EHHADH: variants seen among roughly 807,000 people sequenced by gnomAD.
EHHADH encodes peroxisomal bifunctional enzyme.
In EHHADH, 48 loss-of-function variants were observed where a neutral mutation model predicts 64.4. The observed-to-expected ratio is 0.75, with a 90% CI of 0.59 to 0.95. EHHADH has a LOEUF of 0.95. EHHADH is among the 40% of genes least tolerant of loss of function. The pLI is 0.00. For missense variants in EHHADH, 854 were observed against 876.6 expected, an observed-to-expected ratio of 0.97 and a Z score of 0.33; for synonymous variants, 308 against 326.7, an observed-to-expected ratio of 0.94 and a Z score of 0.62.
At chr3:185,211,136 T>A (rs183489216) in intron 5 of EHHADH, among the ~76,000 whole-genome samples, 2 of 152,250 alleles carry the variant, frequency 1.3e-5, no homozygotes, top group South Asian at 4.1e-4. Context: ...AGTTATAAGA[T>A]ATTCAGAATT....
chr3:185,197,604 T>C (rs910232882), intron 6 of EHHADH, among the ~76,000 whole-genome samples: 1 of 152,244 alleles, frequency 6.6e-6, no homozygotes, highest in Admixed American at 6.5e-5. Context: ...GGTTCACCCA[T>C]GTTGTAACAT....
intron 4 of EHHADH, among the ~76,000 whole-genome samples, chr3:185,220,337 G>A (rs569475043): frequency 2.6e-5 from 4 of 152,216 alleles, no homozygotes; most frequent in Admixed American, 6.5e-5. Flanking sequence ...ATATGATTAC[G>A]ATATCATATA....
intron 6 of EHHADH, among the ~76,000 whole-genome samples, chr3:185,195,050 C>T (rs540437727): frequency 6.6e-6 from 1 of 151,938 alleles, no homozygotes; most frequent in Non-Finnish European, 1.5e-5. Flanking sequence ...GAAGTTGGAC[C>T]CTTACCTCAC....
At chr3:185,228,391 G>A (rs895518075) in intron 4 of EHHADH, among the ~76,000 whole-genome samples, 5 of 150,960 alleles carry the variant, frequency 3.3e-5, no homozygotes, top group African/African-American at 9.7e-5. Flanking sequence ...ATAAAGCACC[G>A]GGCTGGCCGG....
In EHHADH at chr3:185,248,528, A is replaced by G; in HGVS notation, c.75-11T>C. On this transcript the variant is annotated splice_polypyrimidine_tract_variant and intron_variant, in intron 1 of 6. Transcript: ENST00000231887. ...CGGAGTAAAGTCGTACTAAAAGAAA[A>G]CAAAATACATGAAGTAAATCAGTCA... is the stretch of plus-strand genomic sequence containing the variant. The G allele has an allele frequency of 6.4e-7, 1 of 1,566,252 alleles. No individual in the cohort carries two copies. Among genetic ancestry groups the G allele is most frequent in the Non-Finnish European group, 8.8e-7 (1 of 1,140,344 alleles).
At chr3:185,224,194 C>T (rs557707298) in intron 4 of EHHADH, among the ~76,000 whole-genome samples, 134 of 151,906 alleles carry the variant, frequency 8.8e-4, no homozygotes, top group African/African-American at 3.1e-3. Flanking sequence ...CTTTAACACC[C>T]TTTCTTAGAA....
chr3:185,192,416 C>T lies in EHHADH; in HGVS notation c.1982G>A (p.Gly661Asp). 4 of 1,614,176 alleles carry T rather than the reference C, an allele frequency of 2.5e-6. No individual in the cohort carries two copies. Among genetic ancestry groups the T allele is most frequent in the Non-Finnish European group, 3.4e-6 (4 of 1,180,036 alleles). The change falls in exon 7 of 7, where the codon GGC becomes GAC. Residue 661 changes from glycine to aspartate, a missense_variant. Coordinates refer to ENST00000231887, the MANE Select transcript of EHHADH (RefSeq NM_001966.4). ...TGTGGAAGCATAGAACATGGGCCCG[C>T]CCTTGTGCCTTGGCCATCCATATCC... is the stretch of plus-strand genomic sequence containing the variant. ...LHGYGWPRHK[G>D]GPMFYASTVG...
intron 6 of EHHADH, among the ~76,000 whole-genome samples, chr3:185,203,577 G>A (rs1718289698): frequency 6.6e-6 from 1 of 152,174 alleles, no homozygotes; most frequent in Non-Finnish European, 1.5e-5. Context: ...GCCAATCAGG[G>A]AGCTAGCATC....
Position 185,191,262 on chromosome 3 carries a change from A to C in EHHADH, c.*964T>G, listed in dbSNP as rs1364236027. 1.3e-5 allele frequency: 2 copies of C among 149,200 alleles called. No individual in the cohort carries two copies. Among genetic ancestry groups the C allele is most frequent in the African/African-American group, 5.1e-5 (2 of 38,924 alleles). The allele number at this position is 149,200 out of a possible 1,614,324, so 9.2% of individuals were successfully genotyped here. A position where few individuals can be genotyped will look rare whatever the true frequency, so the allele number is the denominator to read the frequency against. The stretch of plus-strand genomic sequence containing the variant: ...TGTGAGCCACTGTGCCTGGCCCTTT[A>C]TTTCTTTTTATGGCTGAATAATATA... On this transcript the variant is annotated 3_prime_UTR_variant, in exon 7 of 7. Transcript: ENST00000231887.
At chr3:185,246,026 T>C in intron 2 of EHHADH, 1 of 1,334,934 alleles carries the variant, frequency 7.5e-7, no homozygotes, top group Non-Finnish European at 1.1e-6. Context: ...TTCATCTTTC[T>C]CTAGTAGTTC....
At chr3:185,213,408 G>C (rs2108634911) in intron 5 of EHHADH, among the ~76,000 whole-genome samples, 1 of 152,248 alleles carries the variant, frequency 6.6e-6, no homozygotes, top group African/African-American at 2.4e-5. Flanking sequence ...GATGCACAGT[G>C]AAGTTTGAGG....
intron 2 of EHHADH, among the ~76,000 whole-genome samples, chr3:185,242,513 C>G (rs1719482272): frequency 6.6e-6 from 1 of 152,112 alleles, no homozygotes; most frequent in Non-Finnish European, 1.5e-5. Flanking sequence ...AAAATAAACC[C>G]AAATACCTAC....
At chr3:185,206,547 G>A (rs1045613484) in intron 5 of EHHADH, among the ~76,000 whole-genome samples, 6 of 152,160 alleles carry the variant, frequency 3.9e-5, no homozygotes, top group Non-Finnish European at 7.4e-5. Context: ...TGAAATGACA[G>A]CCAGGTGCAG....
At chr3:185,226,648 T>C (rs1490413467) in intron 4 of EHHADH, among the ~76,000 whole-genome samples, 3 of 19,820 alleles carry the variant, frequency 1.5e-4, no homozygotes, top group African/African-American at 4.1e-4. Context: ...AAACTCCATC[T>C]CCAAAAAAAA....
chr3:185,194,211 CT>C (rs1435316950), intron 6 of EHHADH, among the ~76,000 whole-genome samples: 2 of 152,208 alleles, frequency 1.3e-5, no homozygotes, highest in African/African-American at 4.8e-5. Flanking sequence ...TGGCTCGTGC[CT>C]GTAATCCCAG....
At chr3:185,227,774 T>G (rs2108643097) in intron 4 of EHHADH, among the ~76,000 whole-genome samples, 1 of 151,886 alleles carries the variant, frequency 6.6e-6, no homozygotes, top group East Asian at 2.0e-4. Context: ...TGTGGTGAGT[T>G]GAGATCGCGC....
chr3:185,238,193 T>C (rs1329817218), intron 2 of EHHADH, among the ~76,000 whole-genome samples: 1 of 152,220 alleles, frequency 6.6e-6, no homozygotes, highest in Non-Finnish European at 1.5e-5. Context: ...ATGACTTTGC[T>C]ATCATTAACA....
At position 185,192,908 on chromosome 3, in the gene EHHADH, T is replaced by A. The variant is rs1475185942; in HGVS notation, c.1490A>T (p.Glu497Val). 1 of 1,614,194 alleles carries A rather than the reference T, an allele frequency of 6.2e-7. No individual in the cohort carries two copies. The highest frequency in any genetic ancestry group is 1.1e-5 in the South Asian group (1 of 91,076). Residue 497 changes from glutamate to valine, a missense_variant, in exon 7 of 7, where the codon GAA becomes GTA. Physicochemically the swap from Glu to Val is moderately radical, Grantham distance 121. Transcript: ENST00000231887. ...PYYNQAYFLL[E>V]EGSKPEEVDQ... ...TACCTCCTCTGGTTTGCTGCCTTCT[T>A]CTAACAAGAAATATGCCTGATTGTA...
chr3:185,196,676 C>T (rs938998307), intron 6 of EHHADH, among the ~76,000 whole-genome samples: 2 of 152,042 alleles, frequency 1.3e-5, no homozygotes, highest in Non-Finnish European at 2.9e-5. Context: ...CATACTATAA[C>T]ATGAATGAAT....
Sources: gnomAD v4.1 joint callset for allele counts (sites outside exome capture counted in the v4.1 genomes callset) on GRCh38, gnomAD v4.1.1 for gene constraint, MANE v1.5 for transcripts, NCBI Gene and HGNC (gene_info 2026-07-23, HGNC 2026-07-21) for gene names.